ANKS1B: variants seen among roughly 807,000 people sequenced by gnomAD.
ANKS1B encodes the protein ankyrin repeat and sterile alpha motif domain-containing protein 1B.
In ANKS1B, 36 loss-of-function variants were observed where a neutral mutation model predicts 148.3. That is an observed-to-expected ratio of 0.24 (90% CI 0.19 to 0.32). The LOEUF (loss-of-function observed/expected upper bound fraction) is 0.32. ANKS1B is among the 10% of genes least tolerant of loss of function. The pLI, the probability that ANKS1B is intolerant of heterozygous loss-of-function variation, is 1.00. For missense variants in ANKS1B, 1,157 were observed against 1,542.6 expected (o/e 0.75, Z 4.19); for synonymous variants, 542 against 560.8 (o/e 0.97, Z 0.47).
intron 8 of ANKS1B, among the ~76,000 whole-genome samples, chr12:99,726,637 A>T (rs1382601492): frequency 6.6e-6 from 1 of 152,202 alleles, no homozygotes; most frequent in Non-Finnish European, 1.5e-5. Context: ...AACTAATTTT[A>T]TGAGGCCATC....
At chr12:98,808,898 T>C (rs2099071813) in intron 19 of ANKS1B, among the ~76,000 whole-genome samples, 2 of 152,190 alleles carry the variant, frequency 1.3e-5, no homozygotes, top group South Asian at 4.1e-4. Flanking sequence ...CAAAGATCAC[T>C]GCAGGAAGAA....
chr12:99,852,579 A>G (rs2088097640), intron 1 of ANKS1B, among the ~76,000 whole-genome samples: 4 of 152,182 alleles, frequency 2.6e-5, no homozygotes, highest in Admixed American at 2.0e-4. Flanking sequence ...AAAACAGGAG[A>G]AAAAATGGCG....
chr12:99,344,348 A>G (rs1445644793), intron 12 of ANKS1B, among the ~76,000 whole-genome samples: 1 of 151,990 alleles, frequency 6.6e-6, no homozygotes, highest in Non-Finnish European at 1.5e-5. Context: ...ATTTCACCTC[A>G]TATATCTCTC....
chr12:98,854,119 T>C (rs1311198636), intron 17 of ANKS1B, among the ~76,000 whole-genome samples: 1 of 152,208 alleles, frequency 6.6e-6, no homozygotes, highest in Admixed American at 6.5e-5. Context: ...TCCTCAACTT[T>C]GGAGTAGGTT....
intron 1 of ANKS1B, among the ~76,000 whole-genome samples, chr12:99,923,630 T>C (rs1228289507): frequency 6.6e-6 from 1 of 152,182 alleles, no homozygotes; most frequent in Admixed American, 6.5e-5. Context: ...GGGTCTTCGA[T>C]GAGAAAATTT....
chr12:99,875,223 T>G (rs1196447051), intron 1 of ANKS1B, among the ~76,000 whole-genome samples: 2 of 152,150 alleles, frequency 1.3e-5, no homozygotes, highest in East Asian at 3.9e-4. Flanking sequence ...GCAGTGATGT[T>G]TGGGATTTGG....
intron 12 of ANKS1B, among the ~76,000 whole-genome samples, chr12:99,361,517 GTTAATAA>G (rs1278035164): frequency 1.3e-5 from 2 of 152,048 alleles, no homozygotes; most frequent in Admixed American, 6.6e-5. Context: ...TGAATGGGAA[GTTAATAA>G]TGTGTCTCTA....
chr12:99,438,291 G>C (rs1443166880), intron 11 of ANKS1B, among the ~76,000 whole-genome samples: 7 of 151,662 alleles, frequency 4.6e-5, no homozygotes, highest in Admixed American at 4.6e-4. Context: ...TCCTCCTTTA[G>C]TGTAAACATT....
At chr12:98,847,661 T>C (rs375701628) in intron 17 of ANKS1B, among the ~76,000 whole-genome samples, 50 of 152,264 alleles carry the variant, frequency 3.3e-4, no homozygotes, top group African/African-American at 1.0e-3. Flanking sequence ...AGTGGAGAGA[T>C]CTTGGCTCAC....
chr12:99,693,974 T>C (rs2053519037), intron 8 of ANKS1B, among the ~76,000 whole-genome samples: 1 of 151,052 alleles, frequency 6.6e-6, no homozygotes, highest in African/African-American at 2.4e-5. Context: ...AGAGACATGG[T>C]TTCACTATTT....
chr12:99,328,789 A>G lies in ANKS1B; in HGVS notation c.1756+70842T>C, dbSNP rs539887829. Among the ~76,000 whole-genome samples, 14 of 152,136 alleles carry G rather than the reference A, an allele frequency of 9.2e-5. No homozygotes were observed. The East Asian group carries it at 2.7e-3, about 29-fold the overall frequency. ...GAAATATAATAATCAAATTTGAACC[A>G]GAATTGACAGATGTTAGAATTGGCA... On this transcript the variant is annotated intron_variant, in intron 12 of 26. Transcript: ENST00000683438.
intron 9 of ANKS1B, among the ~76,000 whole-genome samples, chr12:99,522,463 G>T (rs1567266470): frequency 1.3e-5 from 2 of 152,072 alleles, no homozygotes; most frequent in Non-Finnish European, 2.9e-5. Context: ...AGAACATTAT[G>T]CCCCCCAAGA....
chr12:99,293,293 T>C (rs762283970), intron 12 of ANKS1B, among the ~76,000 whole-genome samples: 8 of 151,604 alleles, frequency 5.3e-5, no homozygotes, highest in East Asian at 1.9e-4. Flanking sequence ...TAGGTGGGAA[T>C]TGAACAACGA....
intron 8 of ANKS1B, among the ~76,000 whole-genome samples, chr12:99,694,021 T>G (rs995501033): frequency 6.6e-6 from 1 of 150,970 alleles, no homozygotes; most frequent in Non-Finnish European, 1.5e-5. Flanking sequence ...CCTCATGATC[T>G]GCCCACCTCA....
intron 12 of ANKS1B, among the ~76,000 whole-genome samples, chr12:99,322,408 A>G (rs2085448910): frequency 6.6e-6 from 1 of 151,550 alleles, no homozygotes; most frequent in African/African-American, 2.4e-5. Flanking sequence ...GGTGCAGCAA[A>G]CCACCATGAC....
intron 25 of ANKS1B, among the ~76,000 whole-genome samples, chr12:98,772,069 G>A (rs2098592286): frequency 6.6e-6 from 1 of 152,188 alleles, no homozygotes; most frequent in Non-Finnish European, 1.5e-5. Context: ...ATACTAGGTA[G>A]GGCTGGCATT....
chr12:99,751,083 C>T (rs2061060377), intron 8 of ANKS1B, among the ~76,000 whole-genome samples: 2 of 151,784 alleles, frequency 1.3e-5, no homozygotes, highest in African/African-American at 4.8e-5. Context: ...TTTTAATATT[C>T]ATAAGTAGTC....
chr12:98,852,004 C>G (rs1485929496), intron 17 of ANKS1B, among the ~76,000 whole-genome samples: 2 of 107,848 alleles, frequency 1.9e-5, no homozygotes, highest in Non-Finnish European at 3.3e-5. Context: ...AGCCTGGTGA[C>G]AGAGCGAGAC....
At chr12:98,985,595 A>G (rs2099922835) in intron 17 of ANKS1B, among the ~76,000 whole-genome samples, 1 of 151,654 alleles carries the variant, frequency 6.6e-6, no homozygotes, top group Admixed American at 6.6e-5. Context: ...ACCCTACTTC[A>G]AATAATATAA....
Sources: allele counts gnomAD v4.1 joint callset (sites outside exome capture counted in the v4.1 genomes callset), GRCh38; gene constraint gnomAD v4.1.1; transcripts MANE v1.5; gene names NCBI Gene and HGNC (gene_info 2026-07-23, HGNC 2026-07-21).